The following STARD8 variants were observed in gnomAD, a reference collection of about 807,000 sequenced individuals.
The protein encoded by STARD8 is StAR related lipid transfer domain containing 8, also known as stAR-related lipid transfer protein 8.
STARD8 carries 25 observed loss-of-function variants against 69.4 expected under a neutral mutation model. The ratio of observed to expected loss-of-function variants is 0.36; its 90% CI spans 0.26 to 0.50. The LOEUF (loss-of-function observed/expected upper bound fraction) is 0.50. STARD8 is among the 20% of genes least tolerant of loss of function. The pLI is 0.96. For missense variants in STARD8, 921 were observed against 932.5 expected (o/e 0.99, Z 0.16); for synonymous variants, 389 against 374.6 (o/e 1.04, Z -0.45).
At chrX:68,661,267 A>G (rs936000215) in intron 1 of STARD8, among the ~76,000 whole-genome samples, 9 of 111,861 alleles carry the variant, frequency 8.0e-5, no homozygotes, top group African/African-American at 3.2e-5. Flanking sequence ...AAGCTTGTCC[A>G]TAGCCTTTGC....
intron 7 of STARD8, 116 bp downstream of exon 7, chrX:68,719,514 G>A (rs1030370584): frequency 6.4e-5 from 54 of 846,780 alleles, no homozygotes; most frequent in Admixed American, 3.2e-4. Context: ...CCAGGGGAGC[G>A]GTGAGATATG....
Position 68,718,467 on chromosome X carries a change from G to C in STARD8, c.1553G>C (p.Gly518Ala). 8.3e-7 allele frequency: 1 copy of C among 1,212,018 alleles called. No individual in the cohort carries two copies. The highest frequency in any genetic ancestry group is 1.1e-6 in the Non-Finnish European group (1 of 895,530). ...TFASSLSVEE[G>A]HSISDTVASS... The stretch of plus-strand genomic sequence containing the variant: ...GCCTCTAGCCTGTCTGTGGAAGAAG[G>C]ACACTCCATTTCTGACACTGTGGCC... The change falls in exon 6 of 15, where the codon GGA becomes GCA. Residue 518 changes from glycine to alanine, a missense_variant. Gly to Ala is a moderately conservative substitution (Grantham distance 60). Coordinates refer to ENST00000374599, the MANE Select transcript of STARD8 (RefSeq NM_001142503.3).
intron 2 of STARD8, among the ~76,000 whole-genome samples, chrX:68,692,235 G>T (rs1036932353): frequency 8.9e-6 from 1 of 111,959 alleles, no homozygotes; most frequent in African/African-American, 3.3e-5. Context: ...CAGGGACTTG[G>T]CGCACCTTGA....
chrX:68,703,362 A>G (rs905210505), intron 2 of STARD8, among the ~76,000 whole-genome samples: 1 of 112,791 alleles, frequency 8.9e-6, no homozygotes, highest in African/African-American at 3.2e-5. Context: ...TTCTACGCCC[A>G]TAGGCCCTAC....
chrX:68,721,021 C>T lies in STARD8; in HGVS notation c.2147C>T (p.Ser716Leu), dbSNP rs1424803089. Residue 716 changes from serine (S) to leucine (L), a missense_variant, in exon 9 of 15, where the codon TCA becomes TTA. Physicochemically the swap from Ser to Leu is moderately radical, Grantham distance 145 (BLOSUM62 -2). Coordinates refer to ENST00000374599, the MANE Select transcript of STARD8 (RefSeq NM_001142503.3). ...SPDNVCYEGQSAYDVADLLKQ... is the reference protein window; with the variant it reads ...SPDNVCYEGQLAYDVADLLKQ... ...GACAATGTCTGCTACGAGGGCCAGT[C>T]AGCCTACGACGTGGCTGACCTGCTA... 2 of 1,210,327 alleles carry T rather than the reference C, an allele frequency of 1.7e-6. No homozygotes were observed. The highest frequency in any genetic ancestry group is 2.2e-6 in the Non-Finnish European group (2 of 895,286).
intron 2 of STARD8, among the ~76,000 whole-genome samples, chrX:68,669,706 TG>T (rs760033922): frequency 1.8e-5 from 2 of 112,132 alleles, no homozygotes; most frequent in Non-Finnish European, 3.8e-5. Flanking sequence ...GCTGCAGGCT[TG>T]GCCTCAGCAT....
At chrX:68,665,832 G>A (rs2079680143) in intron 2 of STARD8, among the ~76,000 whole-genome samples, 1 of 112,077 alleles carries the variant, frequency 8.9e-6, no homozygotes, top group Admixed American at 9.4e-5. Flanking sequence ...TACTTCCCTT[G>A]TTCTCAAATG....
At chrX:68,650,414 A>G (rs961938605) in intron 1 of STARD8, among the ~76,000 whole-genome samples, 3 of 94,101 alleles carry the variant, frequency 3.2e-5, no homozygotes, top group Non-Finnish European at 6.3e-5. Context: ...CTACAGAGCA[A>G]GATCCTATAG....
rs139290458 is a variant in STARD8 at position 68,702,644 on chromosome X, C to T, written c.80-10270C>T. Among the ~76,000 whole-genome samples the T allele has an allele frequency of 8.7e-3, 973 of 111,495 alleles. 5 individuals carry two copies. Among genetic ancestry groups the T allele is most frequent in the Non-Finnish European group, 0.013 (665 of 53,127 alleles). On this transcript the variant is annotated intron_variant, in intron 2 of 14. Transcript: ENST00000374599. ...TAGCTCTGACTCTAGAGCCAAACTG[C>T]CTGGATTTGCATCTTGGCTCACCTC... is the stretch of plus-strand genomic sequence containing the variant.
intron 8 of STARD8, 90 bp downstream of exon 8, chrX:68,720,513 G>A (rs1329302748): frequency 9.8e-7 from 1 of 1,018,520 alleles, no homozygotes; most frequent in Non-Finnish European, 1.3e-6. Context: ...CTGGGGAGAG[G>A]AACTGCTCTG....
At chrX:68,678,248 T>C (rs941268614) in intron 2 of STARD8, among the ~76,000 whole-genome samples, 2 of 111,031 alleles carry the variant, frequency 1.8e-5, no homozygotes, top group Non-Finnish European at 3.8e-5. Context: ...AAAATTCCCC[T>C]GGAAAGTGGA....
chrX:68,679,782 T>C (rs1448018742), intron 2 of STARD8, among the ~76,000 whole-genome samples: 2 of 112,046 alleles, frequency 1.8e-5, no homozygotes, highest in African/African-American at 6.5e-5. Flanking sequence ...TTCTGTGGGA[T>C]GCAGCTGACT....
rs1234986182 is a variant in STARD8, at chrX:68,725,493, G to A, written c.*1071G>A. 3 of 107,380 alleles carry A rather than the reference G, an allele frequency of 2.8e-5. No individual in the cohort carries two copies. The highest frequency in any genetic ancestry group is 1.0e-4 in the African/African-American group (3 of 29,070). 8.8% of individuals were successfully genotyped at this position (107,380 alleles called of 1,213,427 possible). ...TGCTGAGTAAACTGAAATGAGATGG[G>A]TCCCAACCACCACTGTAATTTTCAA... On this transcript the variant is annotated 3_prime_UTR_variant, in exon 15 of 15. Coordinates refer to ENST00000374599, the MANE Select transcript of STARD8 (RefSeq NM_001142503.3).
At chrX:68,673,309 A>G (rs1307549750) in intron 2 of STARD8, among the ~76,000 whole-genome samples, 1 of 112,458 alleles carries the variant, frequency 8.9e-6, no homozygotes, top group Non-Finnish European at 1.9e-5. Context: ...ACAGCAGAAC[A>G]ACATTCAGGC....
chrX:68,723,298 T>G (rs2080167719), intron 12 of STARD8, among the ~76,000 whole-genome samples: 1 of 112,880 alleles, frequency 8.9e-6, no homozygotes, highest in African/African-American at 3.2e-5. Flanking sequence ...TTACTGCCTG[T>G]GCTAGATGGC....
chrX:68,705,267 C>T (rs1042076115), intron 2 of STARD8, among the ~76,000 whole-genome samples: 3 of 111,920 alleles, frequency 2.7e-5, no homozygotes, highest in Non-Finnish European at 5.6e-5. Context: ...TACTTTGGTC[C>T]TGCCATACCA....
intron 1 of STARD8, among the ~76,000 whole-genome samples, chrX:68,652,599 C>T (rs1053453864): frequency 9.0e-6 from 1 of 111,005 alleles, no homozygotes; most frequent in African/African-American, 3.3e-5. Flanking sequence ...ATCCATGGCC[C>T]CTTGGTACAA....
chrX:68,653,055 ACACACAC>A (rs2079570075), intron 1 of STARD8, among the ~76,000 whole-genome samples: 1 of 30,627 alleles, frequency 3.3e-5, no homozygotes, highest in Non-Finnish European at 6.1e-5. Context: ...ATCACACACC[ACACACAC>A]CACACACCAC....
chrX:68,674,271 C>T (rs953861270), intron 2 of STARD8, among the ~76,000 whole-genome samples: 6 of 92,230 alleles, frequency 6.5e-5, no homozygotes, highest in Non-Finnish European at 1.2e-4. Context: ...GCAGCCTGGG[C>T]GACAAGAGCA....
Sources: allele counts gnomAD v4.1 joint callset (sites outside exome capture counted in the v4.1 genomes callset), GRCh38; gene constraint gnomAD v4.1.1; transcripts MANE v1.5; gene names NCBI Gene and HGNC (gene_info 2026-07-23, HGNC 2026-07-21).